The following ADGRE1 variants were observed in gnomAD, a reference collection of about 807,000 sequenced individuals.
ADGRE1 encodes adhesion G protein-coupled receptor E1, also known as EGF-like module receptor 1.
ADGRE1 carries 82 observed loss-of-function variants against 102.7 expected under a neutral mutation model. The ratio of observed to expected loss-of-function variants is 0.80; its 90% CI spans 0.67 to 0.96. The LOEUF (loss-of-function observed/expected upper bound fraction) is 0.96, where lower values mean the gene tolerates loss of function less well. Ranked by LOEUF, ADGRE1 falls within the 40% of genes least tolerant of loss-of-function variation. The probability of loss-of-function intolerance (pLI) is 0.00; values close to 1 mark genes in which losing one functional copy is unlikely to be tolerated. For synonymous variants in ADGRE1, 398 were observed against 399.6 expected, an observed-to-expected ratio of 1.00 and a Z score of 0.05; for missense variants, 1,032 against 1,085.3, an observed-to-expected ratio of 0.95 and a Z score of 0.69.
chr19:6,922,613 C>CACACACAA (rs1491394022), intron 14 of ADGRE1, among the ~76,000 whole-genome samples: 1 of 5,176 alleles, frequency 1.9e-4, no homozygotes, highest in African/African-American at 6.3e-4. Flanking sequence ...GACTCTGTCT[C>CACACACAA]ACACACACAC....
intron 9 of ADGRE1, among the ~76,000 whole-genome samples, chr19:6,907,282 C>T (rs1973997248): frequency 6.6e-6 from 1 of 152,022 alleles, no homozygotes; most frequent in Admixed American, 6.6e-5. Context: ...GTGTGCAATT[C>T]AGTGGCACTT....
intron 6 of ADGRE1, among the ~76,000 whole-genome samples, chr19:6,902,678 TA>T (rs1206360220): frequency 2.0e-5 from 3 of 152,094 alleles, no homozygotes; most frequent in Non-Finnish European, 4.4e-5. Context: ...TGACCCCAGG[TA>T]ATCTGCCTGC....
At chr19:6,929,389 G>C (rs532413163) in intron 17 of ADGRE1, among the ~76,000 whole-genome samples, 2 of 152,110 alleles carry the variant, frequency 1.3e-5, no homozygotes, top group African/African-American at 4.8e-5. Context: ...TGACATTTAC[G>C]TAGAGCGCGA....
chr19:6,902,080 AG>A, intron 6 of ADGRE1, 59 bp downstream of exon 6: 1 of 1,597,794 alleles, frequency 6.3e-7, no homozygotes, highest in Non-Finnish European at 8.6e-7. Context: ...GACAGCAGTG[AG>A]GGGATTAGGG....
chr19:6,927,351 A>G (rs953981932), intron 16 of ADGRE1, among the ~76,000 whole-genome samples: 1 of 137,076 alleles, frequency 7.3e-6, no homozygotes, highest in East Asian at 2.0e-4. Flanking sequence ...CTTTCTTCGA[A>G]TAAACAATTT....
At chr19:6,904,599 G>A (rs989994617) in intron 8 of ADGRE1, among the ~76,000 whole-genome samples, 6 of 150,820 alleles carry the variant, frequency 4.0e-5, no homozygotes, top group African/African-American at 1.2e-4. Flanking sequence ...TCCACCTCCC[G>A]GGTTCACGCC....
chr19:6,912,053 C>G (rs947968605), intron 10 of ADGRE1, among the ~76,000 whole-genome samples: 2 of 151,974 alleles, frequency 1.3e-5, no homozygotes, highest in African/African-American at 4.8e-5. Flanking sequence ...TATATACATA[C>G]AGGCATATAC....
At chr19:6,931,115 T>C (rs1046738847) in intron 17 of ADGRE1, among the ~76,000 whole-genome samples, 1 of 151,752 alleles carries the variant, frequency 6.6e-6, no homozygotes, top group East Asian at 1.9e-4. Context: ...GTAACTGCTG[T>C]TCTACTCTCT....
intron 15 of ADGRE1, among the ~76,000 whole-genome samples, chr19:6,926,160 C>A (rs1974896856): frequency 6.6e-6 from 1 of 152,170 alleles, no homozygotes; most frequent in African/African-American, 2.4e-5. Context: ...AATCTTAGGT[C>A]CAGACAAACC....
Position 6,940,344 on chromosome 19 carries a change from C to G in ADGRE1, c.*315C>G. On this transcript the variant is annotated 3_prime_UTR_variant, in exon 21 of 21. Transcript: ENST00000312053. The stretch of plus-strand genomic sequence containing the variant: ...TGGCTACCATTTTGTTTTCTCCTGC[C>G]CTTGTTGGTGCATGGTTCTAAGCAT... 1 of 474,652 alleles carries G rather than the reference C, an allele frequency of 2.1e-6. No homozygotes were observed. The highest frequency in any genetic ancestry group is 3.8e-6 in the Non-Finnish European group (1 of 261,776). The allele number at this position is 474,652 out of a possible 1,614,324, so 29.4% of individuals were successfully genotyped here. A position where few individuals can be genotyped will look rare whatever the true frequency, so the allele number is the denominator to read the frequency against.
Position 6,924,622 on chromosome 19 carries a change from G to A in ADGRE1, c.1792-56G>A, listed in dbSNP as rs1167747021. 19 of 1,536,226 alleles carry A rather than the reference G, an allele frequency of 1.2e-5. No individual in the cohort carries two copies. In the East Asian group the frequency reaches 2.9e-4, roughly 24 times the overall value. ...AGGGTTTTAGATAACTCTTCTTCCCGCCTGGGGGGATTTTGATCCCATTCT... is the reference window on the plus strand; with the variant it reads ...AGGGTTTTAGATAACTCTTCTTCCCACCTGGGGGGATTTTGATCCCATTCT... On this transcript the variant is annotated intron_variant, in intron 14 of 20. Transcript: ENST00000312053.
chr19:6,937,473 G>T (rs1298182350), intron 19 of ADGRE1, 62 bp downstream of exon 19: 4 of 646,526 alleles, frequency 6.2e-6, no homozygotes, highest in Admixed American at 4.1e-5. Flanking sequence ...CTTCCCCACC[G>T]CATCCCTCCA....
chr19:6,930,942 C>A (rs1277028066), intron 17 of ADGRE1, among the ~76,000 whole-genome samples: 2 of 151,874 alleles, frequency 1.3e-5, no homozygotes, highest in Non-Finnish European at 2.9e-5. Context: ...TCCAGCCTCT[C>A]CTGGTTATTT....
chr19:6,895,361 A>G (rs771187634), intron 2 of ADGRE1: 3 of 152,218 alleles, frequency 2.0e-5, no homozygotes, highest in Non-Finnish European at 4.4e-5. Flanking sequence ...GGATGGTTCT[A>G]TTATTATAAG....
chr19:6,921,797 A>G lies in ADGRE1; in HGVS notation c.1705A>G (p.Ile569Val), dbSNP rs201029019. 37 of 1,613,862 alleles carry G rather than the reference A, an allele frequency of 2.3e-5. No homozygotes were observed. In the East Asian group the frequency reaches 6.5e-4, roughly 28 times the overall value. ...AAGATGGACATCCTTTGGCTGTGTGATCCTGGAAGCTTCTGAGACATATAC... is the reference window on the plus strand; with the variant it reads ...AAGATGGACATCCTTTGGCTGTGTGGTCCTGGAAGCTTCTGAGACATATAC... ...GGRWTSFGCV[I>V]LEASETYTIC... The change falls in exon 14 of 21, where the codon ATC (isoleucine) becomes GTC (valine). Residue 569 changes from isoleucine (I) to valine (V), a missense_variant. Coordinates refer to ENST00000312053, the MANE Select transcript of ADGRE1 (RefSeq NM_001974.5).
intron 1 of ADGRE1, among the ~76,000 whole-genome samples, chr19:6,890,073 G>C (rs771437617): frequency 5.3e-5 from 8 of 151,964 alleles, no homozygotes; most frequent in Non-Finnish European, 8.8e-5. Context: ...CCACCACCCA[G>C]CTAATTTAAA....
At chr19:6,887,693 T>C (rs1973202120) in intron 1 of ADGRE1, 54 bp downstream of exon 1, 1 of 1,574,046 alleles carries the variant, frequency 6.4e-7, no homozygotes, top group African/African-American at 1.4e-5. Context: ...GAAATAGACT[T>C]CAGGAGAAAT....
intron 12 of ADGRE1, among the ~76,000 whole-genome samples, chr19:6,918,839 C>T (rs972227279): frequency 2.0e-5 from 3 of 151,942 alleles, no homozygotes; most frequent in African/African-American, 7.3e-5. Flanking sequence ...ATTGTCGTAC[C>T]TCGGCCTCCC....
chr19:6,918,747 T>C (rs1974501217), intron 12 of ADGRE1, among the ~76,000 whole-genome samples: 1 of 152,174 alleles, frequency 6.6e-6, no homozygotes, highest in African/African-American at 2.4e-5. Flanking sequence ...TGTTTTGTTT[T>C]GTTTTCTTTT....
Sources: gnomAD v4.1 joint callset for allele counts (sites outside exome capture counted in the v4.1 genomes callset) on GRCh38, gnomAD v4.1.1 for gene constraint, MANE v1.5 for transcripts, NCBI Gene and HGNC (gene_info 2026-07-23, HGNC 2026-07-21) for gene names.